Variants in CCDC7 observed in about 807,000 individuals in gnomAD.
The protein encoded by CCDC7 is coiled-coil domain-containing protein 7.
In CCDC7, 183 loss-of-function variants were observed where a neutral mutation model predicts 196.9. The observed-to-expected ratio is 0.93, with a 90% CI of 0.82 to 1.05. The LOEUF is 1.05. Ranked by LOEUF, CCDC7 falls within the 50% of genes least tolerant of loss-of-function variation. CCDC7 has a pLI of 0.00. For synonymous variants in CCDC7, 525 were observed against 484.6 expected, an observed-to-expected ratio of 1.08 and a Z score of -1.10; for missense variants, 1,540 against 1,482.2, an observed-to-expected ratio of 1.04 and a Z score of -0.64.
chr10:32,689,757 C>T (rs2076866128), intron 23 of CCDC7, among the ~76,000 whole-genome samples: 1 of 151,214 alleles, frequency 6.6e-6, no homozygotes, highest in Non-Finnish European at 1.5e-5. Context: ...TTTTTTGAGA[C>T]ACGGTCTCAC....
intron 13 of CCDC7, among the ~76,000 whole-genome samples, chr10:32,546,814 C>A (rs1021449784): frequency 1.1e-4 from 16 of 152,176 alleles, no homozygotes; most frequent in Non-Finnish European, 1.8e-4. Context: ...AAAGTGTTGG[C>A]TGGGCTCCAT....
intron 29 of CCDC7, among the ~76,000 whole-genome samples, chr10:32,785,546 G>A (rs570073230): frequency 4.6e-5 from 7 of 151,280 alleles, no homozygotes; most frequent in African/African-American, 1.5e-4. Context: ...ATAGCAAGAA[G>A]GTAGAAAAAG....
At chr10:32,485,546 G>T (rs2040884600) in intron 8 of CCDC7, among the ~76,000 whole-genome samples, 1 of 152,144 alleles carries the variant, frequency 6.6e-6, no homozygotes, top group Non-Finnish European at 1.5e-5. Flanking sequence ...GCTTTTGAAT[G>T]TGTTTGCTCT....
At chr10:32,689,258 C>G in intron 23 of CCDC7, 95 bp downstream of exon 24, 1 of 749,744 alleles carries the variant, frequency 1.3e-6, no homozygotes, top group Non-Finnish European at 2.1e-6. Flanking sequence ...TACACTTTGA[C>G]TAAAATGTGA....
chr10:32,598,848 A>G (rs1005182975), intron 18 of CCDC7, among the ~76,000 whole-genome samples: 6 of 152,246 alleles, frequency 3.9e-5, no homozygotes, highest in Middle Eastern at 3.4e-3. Flanking sequence ...TTTCCTACAG[A>G]GTGTTCTATG....
intron 34 of CCDC7, 108 bp downstream of exon 35, chr10:32,845,434 A>G (rs1256161830): frequency 4.9e-6 from 6 of 1,219,256 alleles, no homozygotes; most frequent in Admixed American, 2.2e-5. Context: ...ATAGTGTTAC[A>G]TAAGTAAAAT....
At chr10:32,580,576 G>GT (rs1179047026) in intron 16 of CCDC7, among the ~76,000 whole-genome samples, 1 of 152,036 alleles carries the variant, frequency 6.6e-6, no homozygotes, top group East Asian at 1.9e-4. Context: ...AGTTTGTACT[G>GT]TATTACAAAC....
intron 28 of CCDC7, among the ~76,000 whole-genome samples, chr10:32,775,002 C>G (rs925620938): frequency 6.6e-6 from 1 of 152,130 alleles, no homozygotes; most frequent in African/African-American, 2.4e-5. Context: ...CTATCTTCCT[C>G]CCTCTGTTTT....
intron 29 of CCDC7, among the ~76,000 whole-genome samples, chr10:32,804,202 A>T (rs962079525): frequency 2.0e-5 from 3 of 152,168 alleles, no homozygotes; most frequent in Non-Finnish European, 4.4e-5. Flanking sequence ...ACTTTAGTTC[A>T]TCAATCCTAA....
intron 16 of CCDC7, chr10:32,574,579 T>C (rs2057978070): frequency 9.0e-7 from 1 of 1,105,860 alleles, no homozygotes. Flanking sequence ...TATCAGTTTA[T>C]TTTGGCTTAG....
intron 18 of CCDC7, among the ~76,000 whole-genome samples, chr10:32,619,144 A>C (rs189959231): frequency 6.6e-6 from 1 of 152,074 alleles, no homozygotes; most frequent in African/African-American, 2.4e-5. Context: ...TAAAGACAGT[A>C]ATCTTATTTT....
intron 9 of CCDC7, chr10:32,499,322 C>G (rs2043476877): frequency 6.6e-6 from 1 of 152,044 alleles, no homozygotes; most frequent in East Asian, 1.9e-4. Flanking sequence ...ATGGATTGGA[C>G]AATGTTTGCA....
At chr10:32,457,639 T>C (rs3006728) in intron 3 of CCDC7, among the ~76,000 whole-genome samples, 21,009 of 152,184 alleles carry the variant, frequency 0.14, 1,756 homozygotes, top group East Asian at 0.25. Flanking sequence ...CTAGTTTAAA[T>C]TTCCACCAAA....
At chr10:32,500,984 G>A (rs867066936) in intron 9 of CCDC7, among the ~76,000 whole-genome samples, 2 of 152,194 alleles carry the variant, frequency 1.3e-5, no homozygotes, top group Non-Finnish European at 2.9e-5. Flanking sequence ...GCAGTGAGTC[G>A]AGATGGCGGC....
chr10:32,491,813 C>A, intron 8 of CCDC7, 109 bp from the exon 10 acceptor site: 1 of 1,046,188 alleles, frequency 9.6e-7, no homozygotes, highest in East Asian at 2.9e-5. Context: ...CATGCTAGCC[C>A]CTCTTTATGT....
At chr10:32,862,361 A>C (rs1407184234) in intron 41 of CCDC7, among the ~76,000 whole-genome samples, 1 of 151,810 alleles carries the variant, frequency 6.6e-6, no homozygotes, top group Non-Finnish European at 1.5e-5. Context: ...GTGGGAGTTG[A>C]ACAGTGAGAA....
chr10:32,643,650 G>T (rs937630973), intron 20 of CCDC7, among the ~76,000 whole-genome samples: 8 of 151,438 alleles, frequency 5.3e-5, no homozygotes, highest in African/African-American at 1.9e-4. Flanking sequence ...AATTATTTCT[G>T]TTTTAAAATG....
At chr10:32,618,464 C>G (rs760177215) in intron 18 of CCDC7, among the ~76,000 whole-genome samples, 291 of 152,092 alleles carry the variant, frequency 1.9e-3, no homozygotes, top group Non-Finnish European at 2.3e-3. Context: ...TCTAAGTACT[C>G]TCAGCATTTT....
intron 9 of CCDC7, chr10:32,499,088 T>TC (rs1191094244): frequency 1.3e-5 from 2 of 149,922 alleles, no homozygotes; most frequent in Non-Finnish European, 3.0e-5. Flanking sequence ...TTTGTTTCTT[T>TC]TTTTTTTTTT....
Sources: allele counts gnomAD v4.1 joint callset (sites outside exome capture counted in the v4.1 genomes callset), GRCh38; gene constraint gnomAD v4.1.1; transcripts MANE v1.5; gene names NCBI Gene and HGNC (gene_info 2026-07-23, HGNC 2026-07-21).